CPPED1: variants seen among roughly 807,000 people sequenced by gnomAD.
The protein encoded by CPPED1 is serine/threonine-protein phosphatase CPPED1.
CPPED1 carries 28 observed loss-of-function variants against 28.0 expected under a neutral mutation model. The ratio of observed to expected loss-of-function variants is 1.00; its 90% CI spans 0.74 to 1.37. The LOEUF (loss-of-function observed/expected upper bound fraction) is 1.37. Among genes scored for constraint, CPPED1 ranks in the 40% most tolerant of loss-of-function variants. The probability of loss-of-function intolerance (pLI) is 0.00; values close to 1 mark genes in which losing one functional copy is unlikely to be tolerated. For synonymous variants in CPPED1, 198 were observed against 180.2 expected, an observed-to-expected ratio of 1.10 and a Z score of -0.79; for missense variants, 504 against 416.5, an observed-to-expected ratio of 1.21 and a Z score of -1.83.
chr16:12,756,157 G>A (rs961441464), intron 2 of CPPED1, among the ~76,000 whole-genome samples: 3 of 151,310 alleles, frequency 2.0e-5, no homozygotes, highest in Admixed American at 1.3e-4. Context: ...TCGGAAGTTG[G>A]TTCAGCTCTA....
chr16:12,762,311 T>G (rs2080414474), intron 2 of CPPED1, among the ~76,000 whole-genome samples: 1 of 152,186 alleles, frequency 6.6e-6, no homozygotes, highest in African/African-American at 2.4e-5. Flanking sequence ...AGGGATATTA[T>G]TTAGTAATGG....
rs994833181 is a variant in CPPED1 at position 12,663,272 on chromosome 16, G to T, written c.*1614C>A. ...GATGGAGTTTCACCATGTTGGCCAG[G>T]CTGTTCTCAAACTCCTGATCTCAGG... On this transcript the variant is annotated 3_prime_UTR_variant, in exon 4 of 4. Coordinates refer to ENST00000381774, the MANE Select transcript of CPPED1 (RefSeq NM_018340.3). The T allele has an allele frequency of 6.6e-6, 1 of 152,124 alleles. No homozygotes were observed. The highest frequency in any genetic ancestry group is 2.4e-5 in the African/African-American group (1 of 41,380). The allele number at this position is 152,124 out of a possible 1,614,324, so 9.4% of individuals were successfully genotyped here.
chr16:12,730,194 G>A (rs1402876296), intron 2 of CPPED1, among the ~76,000 whole-genome samples: 1 of 152,054 alleles, frequency 6.6e-6, no homozygotes, highest in Non-Finnish European at 1.5e-5. Flanking sequence ...GAGAGAAAGG[G>A]TCTTCCTATG....
chr16:12,753,301 T>C (rs2141220170), intron 2 of CPPED1: 1 of 152,242 alleles, frequency 6.6e-6, no homozygotes, highest in South Asian at 2.1e-4. Flanking sequence ...CTTTACTCTT[T>C]GGGTGAAATT....
chr16:12,719,420 G>T (rs1280505907), intron 2 of CPPED1, among the ~76,000 whole-genome samples: 1 of 151,746 alleles, frequency 6.6e-6, no homozygotes, highest in Non-Finnish European at 1.5e-5. Context: ...CAGTATGGAG[G>T]AAACCGCCCC....
chr16:12,677,410 G>A (rs1356755726), intron 3 of CPPED1, among the ~76,000 whole-genome samples: 3 of 152,246 alleles, frequency 2.0e-5, no homozygotes, highest in South Asian at 2.1e-4. Context: ...AGGCCGAGGC[G>A]TGCAGATCAC....
chr16:12,731,855 G>A (rs2080199584), intron 2 of CPPED1, among the ~76,000 whole-genome samples: 1 of 151,732 alleles, frequency 6.6e-6, no homozygotes, highest in South Asian at 2.1e-4. Context: ...GCGATATGGG[G>A]AGGAGGAAAA....
intron 3 of CPPED1, among the ~76,000 whole-genome samples, chr16:12,684,319 T>C (rs771884906): frequency 1.1e-4 from 17 of 152,186 alleles, no homozygotes; most frequent in Non-Finnish European, 1.9e-4. Flanking sequence ...GGGACCAGCC[T>C]GGGCAACAAA....
chr16:12,787,304 T>C (rs2080569499), intron 1 of CPPED1, among the ~76,000 whole-genome samples: 2 of 152,212 alleles, frequency 1.3e-5, no homozygotes, highest in Non-Finnish European at 1.5e-5. Context: ...GGATAATGCC[T>C]ATAGGGTATT....
intron 2 of CPPED1, among the ~76,000 whole-genome samples, chr16:12,719,452 TA>T (rs2141197069): frequency 6.6e-6 from 1 of 151,720 alleles, no homozygotes; most frequent in African/African-American, 2.4e-5. Flanking sequence ...TATGTCCACC[TA>T]GCACCACCTC....
chr16:12,742,444 ACC>A (rs1374625538), intron 2 of CPPED1, among the ~76,000 whole-genome samples: 1 of 152,218 alleles, frequency 6.6e-6, no homozygotes, highest in East Asian at 1.9e-4. Flanking sequence ...ATGATTGCCA[ACC>A]TTAAATAGAT....
chr16:12,684,664 T>C (rs1341860899), intron 3 of CPPED1, among the ~76,000 whole-genome samples: 1 of 152,246 alleles, frequency 6.6e-6, no homozygotes, highest in Non-Finnish European at 1.5e-5. Flanking sequence ...ATCCTCTCCC[T>C]TGCAAATTCT....
intron 2 of CPPED1, among the ~76,000 whole-genome samples, chr16:12,741,272 G>GA (rs367556044): frequency 2.5e-3 from 356 of 144,528 alleles, no homozygotes; most frequent in African/African-American, 8.5e-3. Flanking sequence ...AAAATCAGCA[G>GA]AAAAAAATAA....
At chr16:12,763,639 T>C (rs1300950982) in intron 2 of CPPED1, among the ~76,000 whole-genome samples, 1 of 152,208 alleles carries the variant, frequency 6.6e-6, no homozygotes, top group Admixed American at 6.5e-5. Context: ...GATAAGGAAA[T>C]TCAGCTACAG....
intron 3 of CPPED1, among the ~76,000 whole-genome samples, chr16:12,675,447 G>A (rs1220225107): frequency 6.6e-6 from 1 of 152,196 alleles, no homozygotes; most frequent in Non-Finnish European, 1.5e-5. Flanking sequence ...ATCAAGTCAT[G>A]AAGACGCTAT....
intron 2 of CPPED1, among the ~76,000 whole-genome samples, chr16:12,732,046 C>A (rs1342563235): frequency 1.3e-5 from 2 of 151,794 alleles, no homozygotes; most frequent in Non-Finnish European, 2.9e-5. Context: ...GCCTGTAATC[C>A]CAGCTACTCA....
At chr16:12,719,061 G>C (rs2080123584) in intron 2 of CPPED1, among the ~76,000 whole-genome samples, 1 of 152,078 alleles carries the variant, frequency 6.6e-6, no homozygotes, top group Non-Finnish European at 1.5e-5. Flanking sequence ...AGGCAAGGGA[G>C]AATGAGAACC....
chr16:12,775,209 G>C (rs745646356), intron 2 of CPPED1, among the ~76,000 whole-genome samples: 5 of 152,156 alleles, frequency 3.3e-5, no homozygotes, highest in Admixed American at 1.3e-4. Flanking sequence ...AGTCTGCAGA[G>C]AGAGTCCCCA....
At chr16:12,744,167 T>G in intron 2 of CPPED1, among the ~76,000 whole-genome samples, 1 of 151,476 alleles carries the variant, frequency 6.6e-6, no homozygotes, top group Non-Finnish European at 1.5e-5. Context: ...TCCCAGCTAT[T>G]TGGGAGGCTG....
Sources: allele counts gnomAD v4.1 joint callset (sites outside exome capture counted in the v4.1 genomes callset), GRCh38; gene constraint gnomAD v4.1.1; transcripts MANE v1.5; gene names NCBI Gene and HGNC (gene_info 2026-07-23, HGNC 2026-07-21).